MARCHF5: variants seen among roughly 807,000 people sequenced by gnomAD.
MARCHF5 encodes the protein membrane associated ring-CH-type finger 5.
MARCHF5 carries 5 observed loss-of-function variants against 36.5 expected under a neutral mutation model. The ratio of observed to expected loss-of-function variants is 0.14; its 90% CI spans 0.07 to 0.29. MARCHF5 has a LOEUF of 0.29. Ranked by LOEUF, MARCHF5 falls within the 10% of genes least tolerant of loss-of-function variation. The probability of loss-of-function intolerance (pLI) is 1.00; values close to 1 mark genes in which losing one functional copy is unlikely to be tolerated. For missense variants in MARCHF5, 179 were observed against 336.3 expected (o/e 0.53, Z 3.66); for synonymous variants, 103 against 109.9 (o/e 0.94, Z 0.39).
chr10:92,342,318 T>C (rs1564953528), intron 3 of MARCHF5, among the ~76,000 whole-genome samples: 1 of 151,834 alleles, frequency 6.6e-6, no homozygotes, highest in Non-Finnish European at 1.5e-5. Flanking sequence ...CCAGCTAATT[T>C]TTTATTTTTT....
In MARCHF5 at chr10:92,291,333, C is replaced by A; in HGVS notation, c.-162C>A. 1 of 674,684 alleles carries A rather than the reference C, an allele frequency of 1.5e-6. No individual in the cohort carries two copies. The highest frequency in any genetic ancestry group is 1.7e-5 in the South Asian group (1 of 59,570). 41.8% of individuals were successfully genotyped at this position (674,684 alleles called of 1,614,324 possible). On this transcript the variant is annotated 5_prime_UTR_variant, in exon 1 of 6. Transcript: ENST00000358935. ...CCGCCGGACTCCCGCAGGCCCTGCA[C>A]CGCCGCCGCCAGGCTAGCGGAGCTG...
chr10:92,291,686 C>T (rs898009184), intron 1 of MARCHF5, 157 bp downstream of exon 1: 3 of 710,590 alleles, frequency 4.2e-6, no homozygotes, highest in Non-Finnish European at 5.2e-6. Flanking sequence ...GAGTCTAGAC[C>T]TGGGGGAGGA....
chr10:92,344,389 G>A (rs937022073), intron 3 of MARCHF5, among the ~76,000 whole-genome samples: 1 of 152,168 alleles, frequency 6.6e-6, no homozygotes, highest in African/African-American at 2.4e-5. Flanking sequence ...ATTTGAATTG[G>A]TAGAATGAAA....
chr10:92,294,591 C>G (rs1167510409), intron 1 of MARCHF5, among the ~76,000 whole-genome samples: 1 of 152,224 alleles, frequency 6.6e-6, no homozygotes, highest in Non-Finnish European at 1.5e-5. Context: ...AATTTGGCTT[C>G]TCCCCAACCT....
chr10:92,291,228 C>T lies in MARCHF5; in HGVS notation c.-267C>T. The T allele has an allele frequency of 1.9e-6, 1 of 536,046 alleles. No homozygotes were observed. The highest frequency in any genetic ancestry group is 3.3e-6 in the Non-Finnish European group (1 of 307,644). The allele number at this position is 536,046 out of a possible 1,614,324, so 33.2% of individuals were successfully genotyped here. ...GGCGCCCGCGGTCCATGGACCGGAA[C>T]CTCGGGCCGACGGACGGGAACCCGG... On this transcript the variant is annotated 5_prime_UTR_variant, in exon 1 of 6. Transcript: ENST00000358935.
intron 2 of MARCHF5, among the ~76,000 whole-genome samples, chr10:92,318,555 C>T (rs574729851): frequency 2.0e-4 from 30 of 151,220 alleles, no homozygotes; most frequent in South Asian, 6.3e-4. Context: ...ACCCAGTCTC[C>T]ACAAAAAAAT....
chr10:92,314,733 C>T (rs1843186286), intron 2 of MARCHF5, among the ~76,000 whole-genome samples: 1 of 92,618 alleles, frequency 1.1e-5, no homozygotes, highest in Non-Finnish European at 2.1e-5. Context: ...GTATTTGCTG[C>T]TGCTGCTTCC....
chr10:92,292,418 C>T (rs1317475780), intron 1 of MARCHF5, among the ~76,000 whole-genome samples: 12 of 152,302 alleles, frequency 7.9e-5, no homozygotes, highest in African/African-American at 2.9e-4. Context: ...TCAATAGACA[C>T]CACTTGCCAC....
At chr10:92,300,697 C>A (rs79738120) in intron 1 of MARCHF5, among the ~76,000 whole-genome samples, 1 of 152,124 alleles carries the variant, frequency 6.6e-6, no homozygotes, top group Non-Finnish European at 1.5e-5. Context: ...CTGGCTTGCG[C>A]ACTTTCTTCC....
intron 2 of MARCHF5, 126 bp downstream of exon 2, chr10:92,311,463 T>G: frequency 1.5e-6 from 1 of 655,454 alleles, no homozygotes; most frequent in Non-Finnish European, 2.6e-6. Context: ...TTTCTCTTGT[T>G]TCCTCTCTGA....
chr10:92,321,419 A>T (rs1843287413), intron 2 of MARCHF5, among the ~76,000 whole-genome samples: 1 of 152,092 alleles, frequency 6.6e-6, no homozygotes, highest in African/African-American at 2.4e-5. Context: ...GTTGATTTTC[A>T]TATTAGACTC....
intron 2 of MARCHF5, among the ~76,000 whole-genome samples, chr10:92,340,010 A>G (rs1054277363): frequency 2.0e-5 from 3 of 152,208 alleles, no homozygotes; most frequent in Admixed American, 1.3e-4. Context: ...ATAAATTGAC[A>G]TTATGTAAAT....
Position 92,319,117 on chromosome 10 carries a change from C to A in MARCHF5, c.238+7780C>A, listed in dbSNP as rs138668149. Among the ~76,000 whole-genome samples the A allele has an allele frequency of 5.4e-4, 83 of 152,326 alleles. 3 individuals carry two copies. In the East Asian group the frequency reaches 0.014, roughly 26 times the overall value. ...AATTGAGTCGAAAAATTCCCATCACCTTGTGGCATTGTAGCTGTGGTAACA... is the reference window on the plus strand; with the variant it reads ...AATTGAGTCGAAAAATTCCCATCACATTGTGGCATTGTAGCTGTGGTAACA... On this transcript the variant is annotated intron_variant, in intron 2 of 5. Coordinates refer to ENST00000358935, the MANE Select transcript of MARCHF5 (RefSeq NM_017824.5).
chr10:92,352,321 A>C lies in MARCHF5; in HGVS notation c.*1114A>C, dbSNP rs1029159257. ...TATGAAAACAAGAAGTCTTAAGTAA[A>C]TATTGAGGTCATTGTTTTTGGCTTA... On this transcript the variant is annotated 3_prime_UTR_variant, in exon 6 of 6. Transcript: ENST00000358935. 3 of 152,224 alleles carry C rather than the reference A, an allele frequency of 2.0e-5. No homozygotes were observed. Among genetic ancestry groups the C allele is most frequent in the African/African-American group, 7.2e-5 (3 of 41,448 alleles). The allele number at this position is 152,224 out of a possible 1,614,324, so 9.4% of individuals were successfully genotyped here.
chr10:92,348,453 C>T (rs1447506914), intron 3 of MARCHF5, among the ~76,000 whole-genome samples: 2 of 152,124 alleles, frequency 1.3e-5, no homozygotes, highest in Non-Finnish European at 2.9e-5. Flanking sequence ...CACACCACTG[C>T]ACTCCAGCCT....
At chr10:92,302,448 C>CT (rs10714243) in intron 1 of MARCHF5, among the ~76,000 whole-genome samples, 3 of 124,166 alleles carry the variant, frequency 2.4e-5, no homozygotes, top group Admixed American at 8.2e-5. Context: ...CTTTTTTTTT[C>CT]TTTTTTTTTT....
rs1003659209 is a variant in MARCHF5 at position 92,314,752 on chromosome 10, C to T, written c.238+3415C>T. On this transcript the variant is annotated intron_variant, in intron 2 of 5. Transcript: ENST00000358935. ...TTGCTGCTGCTGCTTCCCCCCGCCC[C>T]CCCCCGCCAATAGAGGTTGGGTCTT... Among the ~76,000 whole-genome samples, 291 of 126,374 alleles carry T rather than the reference C, an allele frequency of 2.3e-3. 33 individuals carry two copies. The highest frequency in any genetic ancestry group is 8.7e-3 in the African/African-American group (273 of 31,530). The allele number at this position is 126,374 out of a possible 152,430, so 82.9% of individuals were successfully genotyped here.
rs1194201750 is a variant in MARCHF5 at position 92,352,662 on chromosome 10, T to A, written c.*1455T>A. Reference sequence around the variant, plus strand: ...GCAAATATAGATTGAGCTATGTTAGTTTGCAATAATATATGTTAACTTTAG... The same window carrying A: ...GCAAATATAGATTGAGCTATGTTAGATTGCAATAATATATGTTAACTTTAG... On this transcript the variant is annotated 3_prime_UTR_variant, in exon 6 of 6. Coordinates refer to ENST00000358935, the MANE Select transcript of MARCHF5 (RefSeq NM_017824.5). The A allele has an allele frequency of 2.0e-5, 3 of 152,462 alleles. No individual in the cohort carries two copies. 9.4% of individuals were successfully genotyped at this position (152,462 alleles called of 1,614,324 possible). A position where few individuals can be genotyped will look rare whatever the true frequency, so the allele number is the denominator to read the frequency against.
At chr10:92,348,161 C>G (rs1843677557) in intron 3 of MARCHF5, among the ~76,000 whole-genome samples, 1 of 137,130 alleles carries the variant, frequency 7.3e-6, no homozygotes, top group Non-Finnish European at 1.5e-5. Context: ...CCAGCCTGGG[C>G]AACAAGAGCA....
Sources: gnomAD v4.1 joint callset for allele counts (sites outside exome capture counted in the v4.1 genomes callset) on GRCh38, gnomAD v4.1.1 for gene constraint, MANE v1.5 for transcripts, NCBI Gene and HGNC (gene_info 2026-07-23, HGNC 2026-07-21) for gene names.